Variants in PIK3CB observed in about 807,000 individuals in gnomAD.
PIK3CB encodes the protein phosphatidylinositol 4,5-bisphosphate 3-kinase catalytic subunit beta isoform.
In PIK3CB, 39 loss-of-function variants were observed where a neutral mutation model predicts 136.8. The observed-to-expected ratio is 0.29, with a 90% CI of 0.22 to 0.37. The LOEUF is 0.37. PIK3CB is among the 10% of genes least tolerant of loss of function. The probability of loss-of-function intolerance (pLI) is 1.00; values close to 1 mark genes in which losing one functional copy is unlikely to be tolerated. For synonymous variants in PIK3CB, 428 were observed against 436.6 expected (o/e 0.98, Z 0.25); for missense variants, 868 against 1,275.4 (o/e 0.68, Z 4.87).
chr3:138,711,579 C>CAAA (rs139989947), intron 10 of PIK3CB, among the ~76,000 whole-genome samples: 99 of 67,476 alleles, frequency 1.5e-3, no homozygotes, highest in African/African-American at 3.1e-3. Context: ...AACTCCGTCG[C>CAAA]AAAAAAAAAA....
At chr3:138,815,162 A>AAAAATATAT (rs1553743711) in intron 1 of PIK3CB, among the ~76,000 whole-genome samples, 2 of 62,488 alleles carry the variant, frequency 3.2e-5, no homozygotes, top group African/African-American at 6.5e-5. Context: ...AAAAAAAAAA[A>AAAAATATAT]ATATATATAT....
intron 2 of PIK3CB, chr3:138,769,907 G>C (rs1479096193): frequency 1.3e-5 from 2 of 152,278 alleles, no homozygotes; most frequent in East Asian, 1.9e-4. Context: ...CTAAAGCTAA[G>C]AGAGTTTAAG....
chr3:138,759,717 A>T (rs1402314848), intron 2 of PIK3CB, among the ~76,000 whole-genome samples: 1 of 152,142 alleles, frequency 6.6e-6, no homozygotes, highest in Non-Finnish European at 1.5e-5. Flanking sequence ...TTGACATCTG[A>T]ATAAACTGCA....
Position 138,785,130 on chromosome 3 carries a change from G to A in PIK3CB, c.-17+11333C>T, listed in dbSNP as rs2045964038. ...CAGCCCCCGCTCGGCCAGCCGCCCC[G>A]TCCGGGAGGGAGATGGGGGGCAGCC... On this transcript the variant is annotated intron_variant, in intron 2 of 23. Coordinates refer to ENST00000674063, the MANE Select transcript of PIK3CB (RefSeq NM_006219.3). Among the ~76,000 whole-genome samples the A allele has an allele frequency of 3.3e-5, 5 of 150,666 alleles. No homozygotes were observed. The South Asian group carries it at 8.4e-4, about 25-fold the overall frequency.
chr3:138,743,561 C>T (rs2045286946), intron 4 of PIK3CB, among the ~76,000 whole-genome samples: 2 of 152,072 alleles, frequency 1.3e-5, no homozygotes, highest in South Asian at 4.1e-4. Context: ...AACATTCATT[C>T]ATTCATTCAT....
chr3:138,808,031 C>A (rs1326420552), intron 1 of PIK3CB, among the ~76,000 whole-genome samples: 1 of 151,916 alleles, frequency 6.6e-6, no homozygotes, highest in African/African-American at 2.4e-5. Context: ...GCCTTTAGTG[C>A]TGATTATTTT....
chr3:138,790,525 C>G (rs1377048073), intron 2 of PIK3CB, among the ~76,000 whole-genome samples: 2 of 149,998 alleles, frequency 1.3e-5, no homozygotes, highest in African/African-American at 4.9e-5. Context: ...AACCCTGAGA[C>G]CGGGCACGGT....
chr3:138,787,758 T>C (rs374643930), intron 2 of PIK3CB, among the ~76,000 whole-genome samples: 1 of 151,870 alleles, frequency 6.6e-6, no homozygotes, highest in Non-Finnish European at 1.5e-5. Context: ...AAAATCTAGT[T>C]TGTTTAATTG....
At chr3:138,811,720 G>A (rs554940409) in intron 1 of PIK3CB, among the ~76,000 whole-genome samples, 3 of 152,056 alleles carry the variant, frequency 2.0e-5, no homozygotes, top group East Asian at 1.9e-4. Context: ...CACTGCACCC[G>A]GCCCTGATAT....
chr3:138,717,012 T>C (rs1323296429), intron 8 of PIK3CB, among the ~76,000 whole-genome samples: 1 of 151,052 alleles, frequency 6.6e-6, no homozygotes, highest in Non-Finnish European at 1.5e-5. Flanking sequence ...TCCCAGCACT[T>C]TGGGAGGCCG....
intron 4 of PIK3CB, among the ~76,000 whole-genome samples, chr3:138,755,013 T>C (rs1304430946): frequency 1.3e-5 from 2 of 152,238 alleles, no homozygotes; most frequent in Admixed American, 6.5e-5. Context: ...GACTCCTCCA[T>C]GTTCTTGATT....
intron 2 of PIK3CB, chr3:138,777,940 C>A: frequency 3.4e-6 from 1 of 291,050 alleles, no homozygotes; most frequent in South Asian, 3.7e-5. Flanking sequence ...CCCTCATTGC[C>A]CTCAACTACA....
chr3:138,694,992 G>T, intron 13 of PIK3CB, 85 bp from the exon 14 acceptor site: 1 of 1,313,468 alleles, frequency 7.6e-7, no homozygotes, highest in Non-Finnish European at 1.0e-6. Flanking sequence ...ACCAAGATAG[G>T]TCAAAAGAAG....
In PIK3CB at chr3:138,714,753, C is replaced by G. The variant is rs151117119; in HGVS notation, c.1051-34G>C. 5.6e-5 allele frequency: 87 copies of G among 1,546,568 alleles called. No homozygotes were observed. The African/African-American group carries it at 1.0e-3, about 18-fold the overall frequency. On this transcript the variant is annotated intron_variant, in intron 8 of 23. Coordinates refer to ENST00000674063, the MANE Select transcript of PIK3CB (RefSeq NM_006219.3). Reference sequence around the variant, plus strand: ...AAGCAGACAAAAACAAAAACAAAGTCATGAATACTGTACCACGAAAAACAT... The same window carrying G: ...AAGCAGACAAAAACAAAAACAAAGTGATGAATACTGTACCACGAAAAACAT...
In PIK3CB at chr3:138,733,377, G is replaced by A. The variant is rs780302760; in HGVS notation, c.1034C>T (p.Thr345Ile). 4 of 1,554,758 alleles carry A rather than the reference G, an allele frequency of 2.6e-6. No individual in the cohort carries two copies. The highest frequency in any genetic ancestry group is 3.5e-6 in the Non-Finnish European group (4 of 1,129,410). The change falls in exon 8 of 24, where the codon ACA becomes ATA. Residue 345 changes from threonine (T) to isoleucine (I), a missense_variant. Physicochemically the swap from Thr to Ile is moderately conservative, Grantham distance 89. Around this residue, in one of 4 missense-constraint regions of PIK3CB, gnomAD observed 612 missense variants for 801.1 expected, o/e 0.76. Transcript: ENST00000674063. ...IVLVKGNKLN[T>I]EETVKVHVRA... is the part of the protein sequence containing the mutation. ...GGTACTCACTTTTACAGTTTCCTCT[G>A]TGTTAAGTTTATTTCCCTTAACCAA...
chr3:138,751,736 T>C (rs955993305), intron 4 of PIK3CB, among the ~76,000 whole-genome samples: 2 of 151,860 alleles, frequency 1.3e-5, no homozygotes, highest in African/African-American at 4.8e-5. Context: ...TTGGAAGGCT[T>C]AAGGTAGGCA....
In PIK3CB at chr3:138,717,531, G is replaced by GT. The variant is rs2044637752; in HGVS notation, c.1051-2813_1051-2812insA. 4.6e-5 allele frequency among the ~76,000 whole-genome samples: 5 copies of GT among 108,654 alleles called. No homozygotes were observed. In the East Asian group the frequency reaches 0.014, roughly 302 times the overall value. The allele number at this position is 108,654 out of a possible 152,430, so 71.3% of individuals were successfully genotyped here. A position where few individuals can be genotyped will look rare whatever the true frequency, so the allele number is the denominator to read the frequency against. ...ATGAATGAAAATAGAAATTTTTTGT[G>GT]GTTTTTTTTTAAACTTTCATTTTAG... On this transcript the variant is annotated intron_variant, in intron 8 of 23. Transcript: ENST00000674063.
At chr3:138,793,049 C>T (rs564757519) in intron 2 of PIK3CB, among the ~76,000 whole-genome samples, 99 of 152,274 alleles carry the variant, frequency 6.5e-4, no homozygotes, top group Admixed American at 9.8e-4. Context: ...GAGAAGAAAG[C>T]ATTTAGGAAA....
At chr3:138,763,426 C>G (rs541832665) in intron 2 of PIK3CB, among the ~76,000 whole-genome samples, 1 of 152,130 alleles carries the variant, frequency 6.6e-6, no homozygotes, top group Non-Finnish European at 1.5e-5. Flanking sequence ...CATGAGCCAC[C>G]GTGCCCGGCC....
Sources: allele counts gnomAD v4.1 joint callset (sites outside exome capture counted in the v4.1 genomes callset), GRCh38; gene constraint gnomAD v4.1.1; regional missense constraint gnomAD v4.1.1; transcripts MANE v1.5; gene names NCBI Gene and HGNC (gene_info 2026-07-23, HGNC 2026-07-21).